The following NR3C1 variants were observed in gnomAD, a reference collection of about 807,000 sequenced individuals.
NR3C1 encodes the protein glucocorticoid receptor.
NR3C1 carries 14 observed loss-of-function variants against 74.0 expected under a neutral mutation model. The ratio of observed to expected loss-of-function variants is 0.19; its 90% CI spans 0.12 to 0.30. The LOEUF is 0.30. NR3C1 is among the 10% of genes least tolerant of loss of function. NR3C1 has a pLI of 1.00. For synonymous variants in NR3C1, 308 were observed against 332.5 expected, an observed-to-expected ratio of 0.93 and a Z score of 0.80; for missense variants, 695 against 909.8, an observed-to-expected ratio of 0.76 and a Z score of 3.04.
At chr5:143,303,110 G>T (rs1234446404) in intron 4 of NR3C1, among the ~76,000 whole-genome samples, 1 of 151,948 alleles carries the variant, frequency 6.6e-6, no homozygotes, top group Non-Finnish European at 1.5e-5. Context: ...CATTACAAGA[G>T]ATTCCACAGA....
chr5:143,308,137 A>G (rs925898212), intron 4 of NR3C1, among the ~76,000 whole-genome samples: 5 of 152,174 alleles, frequency 3.3e-5, no homozygotes, highest in Non-Finnish European at 7.3e-5. Context: ...TGTGTGCTAG[A>G]TAGCACCAAC....
At chr5:143,394,504 T>C (rs1460603704) in intron 2 of NR3C1, among the ~76,000 whole-genome samples, 2 of 152,032 alleles carry the variant, frequency 1.3e-5, no homozygotes, top group Non-Finnish European at 2.9e-5. Context: ...CTATGATATA[T>C]GAAATGATTA....
At chr5:143,407,380 C>G (rs908856817), upstream of NR3C1, 16 of 152,052 alleles carry the variant, frequency 1.1e-4, no homozygotes, top group African/African-American at 3.6e-4. Context: ...TCTGAGTGCT[C>G]CCCCCACTTT....
chr5:143,292,085 TTCA>T (rs1816066405), intron 7 of NR3C1, among the ~76,000 whole-genome samples: 1 of 152,226 alleles, frequency 6.6e-6, no homozygotes, highest in Non-Finnish European at 1.5e-5. Flanking sequence ...AGTGTGAGGT[TTCA>T]TGCTAATCTG....
intron 2 of NR3C1, among the ~76,000 whole-genome samples, chr5:143,391,019 C>T (rs1838127166): frequency 6.6e-6 from 1 of 151,952 alleles, no homozygotes; most frequent in Non-Finnish European, 1.5e-5. Flanking sequence ...AAACTTAGAA[C>T]ATTTATTTTG....
intron 2 of NR3C1, among the ~76,000 whole-genome samples, chr5:143,344,963 G>A (rs1828985913): frequency 6.6e-6 from 1 of 152,098 alleles, no homozygotes; most frequent in African/African-American, 2.4e-5. Flanking sequence ...GAGTTGGCTC[G>A]TTCTTCCCAT....
At chr5:143,374,423 G>A (rs561356401) in intron 2 of NR3C1, among the ~76,000 whole-genome samples, 11 of 151,942 alleles carry the variant, frequency 7.2e-5, no homozygotes, top group East Asian at 3.9e-4. Context: ...CCAGGGAGGC[G>A]GAGCTTGCAG....
At chr5:143,410,902 C>G (rs1191661189) in intron 1 of NR3C1, among the ~76,000 whole-genome samples, 1 of 152,148 alleles carries the variant, frequency 6.6e-6, no homozygotes, top group African/African-American at 2.4e-5. Context: ...ATTGTACCAG[C>G]TTGCAAGCAC....
At chr5:143,428,584 T>C (rs1209883520) in intron 1 of NR3C1, among the ~76,000 whole-genome samples, 2 of 152,218 alleles carry the variant, frequency 1.3e-5, no homozygotes, top group Non-Finnish European at 2.9e-5. Flanking sequence ...GGTAACATTT[T>C]ATTGGAACAC....
upstream of NR3C1, among the ~76,000 whole-genome samples, chr5:143,406,439 C>G (rs1047620286): frequency 6.7e-6 from 1 of 150,262 alleles, no homozygotes; most frequent in Non-Finnish European, 1.5e-5. Flanking sequence ...CCTAATTTCT[C>G]TCTTCAGCAA....
At chr5:143,396,166 A>G (rs1435094455) in intron 2 of NR3C1, among the ~76,000 whole-genome samples, 1 of 151,854 alleles carries the variant, frequency 6.6e-6, no homozygotes, top group Non-Finnish European at 1.5e-5. Context: ...TGCTAGTCAC[A>G]TATTTCTGCA....
At chr5:143,318,286 C>T (rs1315801491) in intron 2 of NR3C1, among the ~76,000 whole-genome samples, 1 of 152,056 alleles carries the variant, frequency 6.6e-6, no homozygotes, top group Non-Finnish European at 1.5e-5. Context: ...GATTACTACA[C>T]CAAAATTGGA....
At chr5:143,381,859 G>T (rs1398603371) in intron 2 of NR3C1, among the ~76,000 whole-genome samples, 10 of 152,132 alleles carry the variant, frequency 6.6e-5, no homozygotes, top group Admixed American at 6.5e-4. Context: ...CCAGGACACT[G>T]GTATGGGCAA....
chr5:143,403,868 G>A (rs1307981037), upstream of NR3C1: 1 of 976,190 alleles, frequency 1.0e-6, no homozygotes, highest in Non-Finnish European at 1.2e-6. Context: ...CCCCGGCCCC[G>A]ACGGCGCCTG....
At position 143,333,202 on chromosome 5, in the gene NR3C1, G is replaced by T. The variant is rs923899956; in HGVS notation, c.1185-19034C>A. On this transcript the variant is annotated intron_variant, in intron 2 of 8. Transcript: ENST00000394464. Reference sequence around the variant, plus strand: ...GAGATGGGCACACCTGGCTATCGGGGTGAACGCATCAATCAGCTCATCCGT... The same window carrying T: ...GAGATGGGCACACCTGGCTATCGGGTTGAACGCATCAATCAGCTCATCCGT... 3 of 1,547,846 alleles carry T rather than the reference G, an allele frequency of 1.9e-6. No homozygotes were observed. In the East Asian group the frequency reaches 6.7e-5, roughly 35 times the overall value.
intron 2 of NR3C1, among the ~76,000 whole-genome samples, chr5:143,326,758 T>A (rs1478084011): frequency 6.6e-6 from 1 of 152,190 alleles, no homozygotes; most frequent in African/African-American, 2.4e-5. Flanking sequence ...TTAATTTAAG[T>A]AAAATGAACT....
At chr5:143,292,125 T>C (rs1054750835) in intron 7 of NR3C1, among the ~76,000 whole-genome samples, 7 of 152,196 alleles carry the variant, frequency 4.6e-5, no homozygotes, top group South Asian at 4.1e-4. Context: ...TATTTAATGT[T>C]TGCCATAATT....
chr5:143,286,675 A>T (rs1395375925), intron 7 of NR3C1, among the ~76,000 whole-genome samples: 1 of 152,158 alleles, frequency 6.6e-6, no homozygotes, highest in Non-Finnish European at 1.5e-5. Flanking sequence ...TCTGGCAAGG[A>T]TGTAGACAAA....
chr5:143,378,690 A>G (rs775023924), intron 2 of NR3C1, among the ~76,000 whole-genome samples: 1 of 152,182 alleles, frequency 6.6e-6, no homozygotes, highest in Non-Finnish European at 1.5e-5. Flanking sequence ...CATCTTTTCT[A>G]TTACTACTAG....
Sources: allele counts gnomAD v4.1 joint callset (sites outside exome capture counted in the v4.1 genomes callset), GRCh38; gene constraint gnomAD v4.1.1; transcripts MANE v1.5; gene names NCBI Gene and HGNC (gene_info 2026-07-23, HGNC 2026-07-21).